Variants in SLC12A2 observed in about 807,000 individuals in gnomAD.
SLC12A2 encodes solute carrier family 12 member 2.
Under a neutral mutation model 136.3 loss-of-function variants are expected in SLC12A2, and 67 were observed. The ratio of observed to expected loss-of-function variants is 0.49; its 90% CI spans 0.40 to 0.60. SLC12A2 has a LOEUF of 0.60. Ranked by LOEUF, SLC12A2 falls within the 20% of genes least tolerant of loss-of-function variation. The pLI is 0.00. For missense variants in SLC12A2, 1,322 were observed against 1,534.7 expected, an observed-to-expected ratio of 0.86 and a Z score of 2.32; for synonymous variants, 619 against 562.9, an observed-to-expected ratio of 1.10 and a Z score of -1.41.
chr5:128,125,582 G>T (rs550003416), intron 4 of SLC12A2, among the ~76,000 whole-genome samples: 1 of 152,054 alleles, frequency 6.6e-6, no homozygotes, highest in South Asian at 2.1e-4. Context: ...GTGTGTATTT[G>T]TTCTCAGTCT....
In SLC12A2 at chr5:128,171,711, A is replaced by G. The variant is rs1457919055; in HGVS notation, c.2768A>G (p.Lys923Arg). The change falls in exon 19 of 27, where the codon AAA becomes AGA. Residue 923 changes from lysine (K) to arginine (R), a missense_variant. Transcript: ENST00000262461. ...TATGGAGTAGTGGTTATTCGCCTAA[A>G]AGAAGGTCTGGATATATCTCATCTT... ...IQYGVVVIRLKEGLDISHLQG... is the reference protein window; with the variant it reads ...IQYGVVVIRLREGLDISHLQG... 1 of 1,592,878 alleles carries G rather than the reference A, an allele frequency of 6.3e-7. No homozygotes were observed.
At chr5:128,181,300 C>T (rs531092093) in intron 23 of SLC12A2, among the ~76,000 whole-genome samples, 60 of 152,132 alleles carry the variant, frequency 3.9e-4, no homozygotes, top group African/African-American at 1.1e-3. Context: ...AATGCACAAA[C>T]GTTACATATT....
rs1763942815 is a variant in SLC12A2, at chr5:128,188,646, C to T, written c.*2015C>T. On this transcript the variant is annotated 3_prime_UTR_variant, in exon 27 of 27. Coordinates refer to ENST00000262461, the MANE Select transcript of SLC12A2 (RefSeq NM_001046.3). ...TAACGTTATTATTTTCAGTGGTGTG[C>T]AGCATTTTTGCTTCATGAGTATGAC... The T allele has an allele frequency of 6.7e-6, 1 of 150,256 alleles. No individual in the cohort carries two copies. The highest frequency in any genetic ancestry group is 1.5e-5 in the Non-Finnish European group (1 of 67,818). 9.3% of individuals were successfully genotyped at this position (150,256 alleles called of 1,614,324 possible). A position where few individuals can be genotyped will look rare whatever the true frequency, so the allele number is the denominator to read the frequency against.
intron 16 of SLC12A2, among the ~76,000 whole-genome samples, chr5:128,160,398 T>G (rs1763001230): frequency 2.0e-5 from 3 of 152,070 alleles, no homozygotes; most frequent in South Asian, 4.1e-4. Context: ...TATATATATG[T>G]TTTATAAAGT....
intron 17 of SLC12A2, among the ~76,000 whole-genome samples, chr5:128,165,617 T>A (rs1391102498): frequency 6.6e-6 from 1 of 152,212 alleles, no homozygotes; most frequent in East Asian, 1.9e-4. Flanking sequence ...AACCTTTGAC[T>A]GAATAGCTAC....
chr5:128,164,112 C>T (rs999654641), intron 17 of SLC12A2, among the ~76,000 whole-genome samples: 5 of 152,138 alleles, frequency 3.3e-5, no homozygotes, highest in Non-Finnish European at 1.5e-5. Context: ...CAGCATGCGT[C>T]AGAATCATCT....
chr5:128,084,158 G>A lies in SLC12A2; in HGVS notation c.204G>A (p.Leu68=). 2 of 1,300,978 alleles carry A rather than the reference G, an allele frequency of 1.5e-6. No homozygotes were observed. Among genetic ancestry groups the A allele is most frequent in the Non-Finnish European group, 1.9e-6 (2 of 1,032,146 alleles). The allele number at this position is 1,300,978 out of a possible 1,614,324, so 80.6% of individuals were successfully genotyped here. A position where few individuals can be genotyped will look rare whatever the true frequency, so the allele number is the denominator to read the frequency against. ...DEGPAAAGDG[L]GRPLGPTPSQ... ...GCCCCGCGGCGGCCGGGGACGGGCT[G>A]GGCAGACCCTTGGGGCCCACCCCGA... The change falls in exon 1 of 27, where the codon CTG becomes CTA. Residue 68 remains leucine, a synonymous_variant. Coordinates refer to ENST00000262461, the MANE Select transcript of SLC12A2 (RefSeq NM_001046.3). The surrounding 1 kb of genome is among the most constrained non-coding windows in gnomAD (Gnocchi z 5.6).
At chr5:128,102,596 C>CAT (rs1561657602) in intron 1 of SLC12A2, among the ~76,000 whole-genome samples, 1 of 40,450 alleles carries the variant, frequency 2.5e-5, no homozygotes, top group African/African-American at 8.7e-5. Context: ...CCCCCCCCGC[C>CAT]TTTTTTTTTT....
rs76254608 is a variant in SLC12A2, at chr5:128,132,208, C to T, written c.1188+1002C>T. On this transcript the variant is annotated intron_variant, in intron 5 of 26. Coordinates refer to ENST00000262461, the MANE Select transcript of SLC12A2 (RefSeq NM_001046.3). ...ATCTGACCATGGTACGGAGAATGGA[C>T]TTGAGGAATCACAAATGGAAATAGA... Among the ~76,000 whole-genome samples the T allele has an allele frequency of 5.6e-3, 845 of 152,062 alleles. 3 individuals carry two copies. Among genetic ancestry groups the T allele is most frequent in the Middle Eastern group, 0.024 (7 of 294 alleles).
intron 1 of SLC12A2, among the ~76,000 whole-genome samples, chr5:128,099,843 G>A (rs1760683573): frequency 6.6e-6 from 1 of 152,102 alleles, no homozygotes; most frequent in Admixed American, 6.6e-5. Context: ...ACGTGGAGCT[G>A]TCATTTCCTA....
intron 4 of SLC12A2, among the ~76,000 whole-genome samples, chr5:128,126,941 C>CATATATATATATATAT (rs1243756791): frequency 1.5e-4 from 6 of 41,004 alleles, no homozygotes; most frequent in African/African-American, 1.1e-3. Flanking sequence ...TCACAACCTA[C>CATATATATATATATAT]ATATATATAT....
At chr5:128,185,841 A>T (rs2126762843) in intron 26 of SLC12A2, among the ~76,000 whole-genome samples, 1 of 152,272 alleles carries the variant, frequency 6.6e-6, no homozygotes, top group African/African-American at 2.4e-5. Context: ...TTATGAACAA[A>T]TTTTGAAAAA....
chr5:128,103,942 ATAAC>A (rs1183096118), intron 1 of SLC12A2, among the ~76,000 whole-genome samples: 6 of 152,252 alleles, frequency 3.9e-5, no homozygotes, highest in African/African-American at 1.4e-4. Context: ...TGTCACTTCT[ATAAC>A]AGTCAGACTA....
At chr5:128,146,540 T>G (rs1022920175) in intron 10 of SLC12A2, among the ~76,000 whole-genome samples, 5 of 67,708 alleles carry the variant, frequency 7.4e-5, no homozygotes, top group African/African-American at 3.5e-4. Flanking sequence ...TTGTTGGTGT[T>G]TTTTTTTTTT....
At chr5:128,108,347 T>A (rs1361484840) in intron 1 of SLC12A2, among the ~76,000 whole-genome samples, 1 of 152,080 alleles carries the variant, frequency 6.6e-6, no homozygotes, top group African/African-American at 2.4e-5. Context: ...ACCCAAAAAC[T>A]TTAGACAGCT....
intron 4 of SLC12A2, among the ~76,000 whole-genome samples, chr5:128,125,078 T>C (rs1356084137): frequency 6.6e-6 from 1 of 152,222 alleles, no homozygotes; most frequent in Non-Finnish European, 1.5e-5. Flanking sequence ...ATAATTTCAG[T>C]ATTTTGCCTG....
chr5:128,160,981 A>G (rs577175830), intron 16 of SLC12A2, among the ~76,000 whole-genome samples: 29 of 152,286 alleles, frequency 1.9e-4, no homozygotes, highest in African/African-American at 4.1e-4. Context: ...AGCCTTGAGC[A>G]TAAGACATTT....
chr5:128,098,226 G>T (rs1360300215), intron 1 of SLC12A2, among the ~76,000 whole-genome samples: 1 of 151,876 alleles, frequency 6.6e-6, no homozygotes, highest in Admixed American at 6.6e-5. Flanking sequence ...TTTCCATTCT[G>T]CTATTAAGTC....
At chr5:128,123,518 A>G (rs1035138438) in intron 4 of SLC12A2, among the ~76,000 whole-genome samples, 24 of 151,808 alleles carry the variant, frequency 1.6e-4, no homozygotes, top group African/African-American at 2.4e-5. Context: ...TTTATTTTTC[A>G]TTCTAGTATG....
Sources: gnomAD v4.1 joint callset for allele counts (sites outside exome capture counted in the v4.1 genomes callset) on GRCh38, gnomAD v4.1.1 for gene constraint, Gnocchi (gnomAD v3.1) non-coding constraint, MANE v1.5 for transcripts, NCBI Gene and HGNC (gene_info 2026-07-23, HGNC 2026-07-21) for gene names.